CADPS: variants seen among roughly 807,000 people sequenced by gnomAD.
The protein encoded by CADPS is calcium dependent secretion activator.
In CADPS, 57 loss-of-function variants were observed where a neutral mutation model predicts 167.3. The observed-to-expected ratio is 0.34, with a 90% CI of 0.28 to 0.42. The LOEUF is 0.42. Ranked by LOEUF, CADPS falls within the 20% of genes least tolerant of loss-of-function variation. The pLI is 1.00. For synonymous variants in CADPS, 676 were observed against 635.3 expected, an observed-to-expected ratio of 1.06 and a Z score of -0.96; for missense variants, 1,414 against 1,738.1, an observed-to-expected ratio of 0.81 and a Z score of 3.32.
chr3:62,872,608 A>G (rs892630906), intron 1 of CADPS, among the ~76,000 whole-genome samples: 1 of 152,120 alleles, frequency 6.6e-6, no homozygotes, highest in Non-Finnish European at 1.5e-5. Context: ...TGCCCCTCAA[A>G]ACCACAGCTT....
At chr3:62,726,579 A>C (rs964021026) in intron 3 of CADPS, among the ~76,000 whole-genome samples, 2 of 151,740 alleles carry the variant, frequency 1.3e-5, no homozygotes, top group African/African-American at 2.4e-5. Flanking sequence ...AGGAAACCTA[A>C]TTTGCTTTAT....
At chr3:62,610,148 AC>A (rs1483468456) in intron 6 of CADPS, among the ~76,000 whole-genome samples, 2 of 151,142 alleles carry the variant, frequency 1.3e-5, no homozygotes, top group Non-Finnish European at 3.0e-5. Context: ...AAAACAAAAA[AC>A]CCCAAGTGGT....
chr3:62,474,057 TAG>T, intron 24 of CADPS, 114 bp downstream of exon 24: 4 of 675,470 alleles, frequency 5.9e-6, no homozygotes, highest in Non-Finnish European at 9.6e-6. Flanking sequence ...CCACAAATGT[TAG>T]AGTGTATTTC....
intron 6 of CADPS, among the ~76,000 whole-genome samples, chr3:62,631,010 TTTTA>T (rs992920848): frequency 1.3e-5 from 2 of 152,172 alleles, no homozygotes; most frequent in Admixed American, 1.3e-4. Context: ...AATATTTTTT[TTTTA>T]GTTTATTTTT....
chr3:62,595,781 T>G (rs1252771628), intron 6 of CADPS, among the ~76,000 whole-genome samples: 1 of 152,148 alleles, frequency 6.6e-6, no homozygotes, highest in Non-Finnish European at 1.5e-5. Context: ...CAAAAGAGAT[T>G]AACATTTGAG....
chr3:62,461,216 G>A (rs2059307478), intron 26 of CADPS, among the ~76,000 whole-genome samples: 1 of 152,246 alleles, frequency 6.6e-6, no homozygotes, highest in South Asian at 2.1e-4. Flanking sequence ...ATAGCTTTGT[G>A]CCAGGCACTT....
chr3:62,846,874 G>A (rs2077532228), intron 1 of CADPS, among the ~76,000 whole-genome samples: 1 of 152,106 alleles, frequency 6.6e-6, no homozygotes, highest in Admixed American at 6.5e-5. Context: ...CGCCATGTTG[G>A]TCAGGCTATT....
At chr3:62,560,056 G>C (rs375435888) in intron 9 of CADPS, among the ~76,000 whole-genome samples, 15 of 148,090 alleles carry the variant, frequency 1.0e-4, no homozygotes, top group African/African-American at 3.5e-4. Context: ...TGGTTATATT[G>C]CTGAAGTCAC....
chr3:62,809,311 C>T (rs1177056100), intron 1 of CADPS, among the ~76,000 whole-genome samples: 2 of 152,214 alleles, frequency 1.3e-5, no homozygotes, highest in Admixed American at 6.5e-5. Flanking sequence ...TTTCCTCTGG[C>T]TCAAAAATAC....
intron 1 of CADPS, among the ~76,000 whole-genome samples, chr3:62,778,077 A>G (rs2090745611): frequency 6.6e-6 from 1 of 152,036 alleles, no homozygotes; most frequent in Admixed American, 6.6e-5. Context: ...TGATTTAATG[A>G]CTCTTGCTCC....
chr3:62,554,812 G>A (rs1267867150), intron 10 of CADPS, among the ~76,000 whole-genome samples: 4 of 152,168 alleles, frequency 2.6e-5, no homozygotes, highest in Admixed American at 2.0e-4. Context: ...GAGTGCAGTG[G>A]CGCAGTCTTG....
chr3:62,586,721 T>A (rs1383674712), intron 7 of CADPS, among the ~76,000 whole-genome samples: 1 of 152,202 alleles, frequency 6.6e-6, no homozygotes, highest in Non-Finnish European at 1.5e-5. Flanking sequence ...GTCAATGTTT[T>A]TTGATCATGC....
intron 28 of CADPS, 90 bp from the exon 29 acceptor site, chr3:62,403,275 C>G: frequency 2.4e-6 from 2 of 818,866 alleles, no homozygotes; most frequent in Non-Finnish European, 4.2e-6. Context: ...GTACCCCACT[C>G]TGTTCCAGGA....
At chr3:62,582,037 C>G (rs1254273204) in intron 8 of CADPS, among the ~76,000 whole-genome samples, 1 of 152,184 alleles carries the variant, frequency 6.6e-6, no homozygotes, top group Non-Finnish European at 1.5e-5. Flanking sequence ...GTGGCTCATT[C>G]AAAGAACCAC....
chr3:62,472,983 A>C (rs1371861764), intron 24 of CADPS, among the ~76,000 whole-genome samples: 1 of 152,202 alleles, frequency 6.6e-6, no homozygotes, highest in Non-Finnish European at 1.5e-5. Context: ...GCCAATTCTT[A>C]GACCACACCG....
intron 1 of CADPS, among the ~76,000 whole-genome samples, chr3:62,824,371 T>A (rs1424123819): frequency 6.6e-6 from 1 of 152,130 alleles, no homozygotes; most frequent in Admixed American, 6.6e-5. Flanking sequence ...ACCTTGAATC[T>A]GGAAGTCATG....
chr3:62,479,136 C>T (rs2061657194), intron 22 of CADPS, among the ~76,000 whole-genome samples: 1 of 152,182 alleles, frequency 6.6e-6, no homozygotes, highest in South Asian at 2.1e-4. Context: ...CTTTAGGGCT[C>T]AAAACCTGAG....
At chr3:62,736,680 C>A (rs2079044336) in intron 3 of CADPS, among the ~76,000 whole-genome samples, 1 of 152,070 alleles carries the variant, frequency 6.6e-6, no homozygotes, top group African/African-American at 2.4e-5. Flanking sequence ...AGAAGTTAGA[C>A]TGAATTAGAT....
intron 3 of CADPS, among the ~76,000 whole-genome samples, chr3:62,713,800 C>T (rs1404431633): frequency 6.6e-6 from 1 of 152,154 alleles, no homozygotes; most frequent in Admixed American, 6.5e-5. Context: ...TAACCCAGCC[C>T]TGGTCAGTGT....
Sources: allele counts gnomAD v4.1 joint callset (sites outside exome capture counted in the v4.1 genomes callset), GRCh38; gene constraint gnomAD v4.1.1; transcripts MANE v1.5; gene names NCBI Gene and HGNC (gene_info 2026-07-23, HGNC 2026-07-21).